Variants in SLC12A1 observed in about 807,000 individuals in gnomAD.
SLC12A1 encodes the protein Na-K-2Cl cotransporter.
SLC12A1 carries 89 observed loss-of-function variants against 130.4 expected under a neutral mutation model. The ratio of observed to expected loss-of-function variants is 0.68; its 90% CI spans 0.58 to 0.81. The LOEUF (loss-of-function observed/expected upper bound fraction) is 0.81, where lower values mean the gene tolerates loss of function less well. Among genes scored for constraint, SLC12A1 ranks in the 40% least tolerant of loss-of-function variants. SLC12A1 has a pLI of 0.00. For synonymous variants in SLC12A1, 499 were observed against 460.0 expected, an observed-to-expected ratio of 1.08 and a Z score of -1.09; for missense variants, 1,310 against 1,336.4, an observed-to-expected ratio of 0.98 and a Z score of 0.31.
At chr15:48,289,588 C>T (rs1358636664) in intron 23 of SLC12A1, among the ~76,000 whole-genome samples, 1 of 151,818 alleles carries the variant, frequency 6.6e-6, no homozygotes, top group African/African-American at 2.4e-5. Context: ...TTACACAAAC[C>T]TAGATGGTAT....
intron 2 of SLC12A1, among the ~76,000 whole-genome samples, chr15:48,216,504 T>G (rs1027552532): frequency 6.6e-6 from 1 of 152,262 alleles, no homozygotes; most frequent in East Asian, 1.9e-4. Context: ...TCAGAAAACA[T>G]AGGTTTTATT....
At chr15:48,225,189 A>C (rs1353884193) in intron 4 of SLC12A1, 1 of 152,198 alleles carries the variant, frequency 6.6e-6, no homozygotes. Flanking sequence ...GTGACTTATC[A>C]TAATAAGCAA....
chr15:48,214,338 C>T (rs982617368), intron 2 of SLC12A1, among the ~76,000 whole-genome samples: 6 of 152,136 alleles, frequency 3.9e-5, no homozygotes, highest in African/African-American at 1.4e-4. Context: ...GCAAGAAGAG[C>T]AGTAGTTCCC....
At chr15:48,251,874 T>C (rs979642538) in intron 15 of SLC12A1, 104 bp downstream of exon 15, 2 of 933,518 alleles carry the variant, frequency 2.1e-6, no homozygotes, top group Non-Finnish European at 3.3e-6. Flanking sequence ...GAGGCATATG[T>C]AAGGTGGATA....
At chr15:48,230,822 T>C (rs564089799) in intron 7 of SLC12A1, among the ~76,000 whole-genome samples, 2 of 152,194 alleles carry the variant, frequency 1.3e-5, no homozygotes, top group Non-Finnish European at 2.9e-5. Context: ...CAAACCCTGG[T>C]TCCTCTTTCA....
chr15:48,279,103 C>T (rs1314441155), intron 20 of SLC12A1, among the ~76,000 whole-genome samples: 1 of 152,204 alleles, frequency 6.6e-6, no homozygotes, highest in South Asian at 2.1e-4. Context: ...TACACAAATA[C>T]ATGAAGAACA....
intron 2 of SLC12A1, among the ~76,000 whole-genome samples, chr15:48,213,409 T>C (rs912168637): frequency 1.3e-5 from 2 of 152,200 alleles, no homozygotes; most frequent in African/African-American, 4.8e-5. Flanking sequence ...TCAATCATTT[T>C]CATTGTCACC....
intron 16 of SLC12A1, among the ~76,000 whole-genome samples, chr15:48,258,008 CAA>C (rs1270241374): frequency 6.6e-6 from 1 of 152,180 alleles, no homozygotes; most frequent in Non-Finnish European, 1.5e-5. Context: ...CTCTCAAGTT[CAA>C]AGTTTCACAG....
chr15:48,250,751 G>T (rs2041639145), intron 14 of SLC12A1, among the ~76,000 whole-genome samples: 1 of 150,280 alleles, frequency 6.7e-6, no homozygotes, highest in African/African-American at 2.5e-5. Flanking sequence ...TATTTTCAAT[G>T]ATGTTCTTGA....
At chr15:48,247,560 G>C (rs2041597237) in intron 13 of SLC12A1, 100 bp downstream of exon 13, 2 of 955,838 alleles carry the variant, frequency 2.1e-6, no homozygotes, top group East Asian at 5.3e-5. Flanking sequence ...TTTATGTTTA[G>C]GATCCCATTT....
Position 48,208,056 on chromosome 15 carries a change from G to T in SLC12A1, c.337G>T (p.Glu113Ter), listed in dbSNP as rs1176522570. The T allele has an allele frequency of 6.2e-7, 1 of 1,613,922 alleles. No homozygotes were observed. The highest frequency in any genetic ancestry group is 1.3e-5 in the African/African-American group (1 of 75,040). ...HNTMDAVPKI[E>*]YYRNTGSISG... is the part of the protein sequence containing the mutation. ...CACCATGGATGCCGTTCCCAAGATA[G>T]AGTACTATCGTAACACCGGCAGCAT... The change falls in exon 2 of 27, where the codon GAG becomes TAG. Residue 113 changes from glutamate (E) to a stop codon, truncating the protein, a stop_gained. Transcript: ENST00000380993. LOFTEE classifies it high-confidence loss of function.
intron 24 of SLC12A1, among the ~76,000 whole-genome samples, chr15:48,294,210 T>C (rs1489305350): frequency 1.3e-5 from 2 of 151,280 alleles, no homozygotes. Flanking sequence ...TAGCCGGGTA[T>C]GGTGGTGGGT....
intron 10 of SLC12A1, among the ~76,000 whole-genome samples, chr15:48,243,069 T>G (rs1241869456): frequency 6.6e-6 from 1 of 152,102 alleles, no homozygotes; most frequent in Non-Finnish European, 1.5e-5. Flanking sequence ...TTTCCTAGTA[T>G]AGGAGAAGGA....
At chr15:48,294,987 T>C (rs2042161782) in intron 24 of SLC12A1, among the ~76,000 whole-genome samples, 1 of 151,910 alleles carries the variant, frequency 6.6e-6, no homozygotes. Context: ...TCATAGCTCA[T>C]TGCAGCCTCT....
At chr15:48,234,282 A>G (rs1176795194) in intron 8 of SLC12A1, among the ~76,000 whole-genome samples, 1 of 152,122 alleles carries the variant, frequency 6.6e-6, no homozygotes. Flanking sequence ...AACCTTTTCT[A>G]GATGCAAAAA....
intron 5 of SLC12A1, chr15:48,227,877 T>C (rs1314453332): frequency 6.6e-6 from 1 of 152,412 alleles, no homozygotes; most frequent in Non-Finnish European, 1.5e-5. Flanking sequence ...CTGTCTCTCA[T>C]GTTGATCCAG....
rs747096443 is a variant in SLC12A1, at chr15:48,208,074, G to T, written c.355G>T (p.Gly119Cys). ...CAAGATAGAGTACTATCGTAACACC[G>T]GCAGCATCAGTGGGCCCAAGGTCAA... The part of the protein sequence containing the change: ...VPKIEYYRNT[G>C]SISGPKVNRP... Residue 119 changes from glycine (G) to cysteine (C), a missense_variant, in exon 2 of 27, where the codon GGC (glycine) becomes TGC (cysteine). Gly to Cys is a radical substitution (Grantham distance 159). Coordinates refer to ENST00000380993, the MANE Select transcript of SLC12A1 (RefSeq NM_000338.3). The T allele has an allele frequency of 7.4e-6, 12 of 1,613,140 alleles. No individual in the cohort carries two copies. Among genetic ancestry groups the T allele is most frequent in the Non-Finnish European group, 6.8e-6 (8 of 1,179,434 alleles).
chr15:48,210,459 A>G (rs1365936588), intron 2 of SLC12A1, among the ~76,000 whole-genome samples: 1 of 152,186 alleles, frequency 6.6e-6, no homozygotes, highest in African/African-American at 2.4e-5. Context: ...TAGGACTGAC[A>G]TTCCCGACAG....
At chr15:48,301,502 T>TGAGGGG in intron 26 of SLC12A1, 120 bp downstream of exon 26, 1 of 429,450 alleles carries the variant, frequency 2.3e-6, no homozygotes, top group Non-Finnish European at 3.7e-6. Context: ...GTGTTTTTTT[T>TGAGGGG]GGGGGGGGGA....
Sources: allele counts gnomAD v4.1 joint callset (sites outside exome capture counted in the v4.1 genomes callset), GRCh38; gene constraint gnomAD v4.1.1; transcripts MANE v1.5; gene names NCBI Gene and HGNC (gene_info 2026-07-23, HGNC 2026-07-21).